Variants in MACROH2A2 observed in about 807,000 individuals in gnomAD.
The protein encoded by MACROH2A2 is macroH2A.2 histone.
Under a neutral mutation model 37.6 loss-of-function variants are expected in MACROH2A2, and 6 were observed. The observed-to-expected ratio is 0.16, with a 90% confidence interval of 0.09 to 0.32. MACROH2A2 has a LOEUF of 0.32. Among genes scored for constraint, MACROH2A2 ranks in the 10% least tolerant of loss-of-function variants. The pLI is 1.00. For missense variants in MACROH2A2, 290 were observed against 485.9 expected (o/e 0.60, Z 3.79); for synonymous variants, 192 against 202.7 (o/e 0.95, Z 0.45).
chr10:70,061,039 T>TAAAA (rs1564539901), intron 1 of MACROH2A2, among the ~76,000 whole-genome samples: 1 of 152,172 alleles, frequency 6.6e-6, no homozygotes, highest in Non-Finnish European at 1.5e-5. Flanking sequence ...TGTCTTTTTA[T>TAAAA]GAAGGCCATC....
chr10:70,104,140 T>C (rs777579216), intron 7 of MACROH2A2, among the ~76,000 whole-genome samples: 81 of 152,346 alleles, frequency 5.3e-4, no homozygotes, highest in Middle Eastern at 3.4e-3. Flanking sequence ...GGTTCGCCAC[T>C]GTCTAACACC....
At chr10:70,103,154 C>T (rs2072316573) in intron 7 of MACROH2A2, among the ~76,000 whole-genome samples, 1 of 152,136 alleles carries the variant, frequency 6.6e-6, no homozygotes, top group South Asian at 2.1e-4. Context: ...GAGAGCCCCT[C>T]ACCCAAGCCC....
intron 5 of MACROH2A2, among the ~76,000 whole-genome samples, chr10:70,094,203 A>G (rs2072262092): frequency 6.6e-6 from 1 of 152,236 alleles, no homozygotes; most frequent in Admixed American, 6.5e-5. Flanking sequence ...AGCTTCTGAG[A>G]GGCCCATCTT....
At chr10:70,058,992 A>C (rs1187355510) in intron 1 of MACROH2A2, among the ~76,000 whole-genome samples, 1 of 150,070 alleles carries the variant, frequency 6.7e-6, no homozygotes, top group Non-Finnish European at 1.5e-5. Flanking sequence ...TTTTGGGGTG[A>C]AGAAAAGGCA....
intron 1 of MACROH2A2, among the ~76,000 whole-genome samples, chr10:70,063,042 G>A (rs1341187685): frequency 1.3e-5 from 2 of 152,080 alleles, no homozygotes; most frequent in Admixed American, 6.6e-5. Context: ...TGCTGGAGCT[G>A]TCTAATGGCC....
intron 7 of MACROH2A2, among the ~76,000 whole-genome samples, chr10:70,104,701 C>T (rs902654819): frequency 6.6e-6 from 1 of 152,034 alleles, no homozygotes; most frequent in Non-Finnish European, 1.5e-5. Flanking sequence ...GAATTTGAAC[C>T]GCAAGCCAGT....
At chr10:70,099,233 G>A (rs191949014) in intron 6 of MACROH2A2, 1 of 152,322 alleles carries the variant, frequency 6.6e-6, no homozygotes, top group East Asian at 1.9e-4. Flanking sequence ...TCCCCCAGTG[G>A]ACAGTGACCA....
At chr10:70,062,763 GA>G (rs1274604995) in intron 1 of MACROH2A2, among the ~76,000 whole-genome samples, 3 of 151,980 alleles carry the variant, frequency 2.0e-5, no homozygotes, top group African/African-American at 7.3e-5. Context: ...CTTGACTGTA[GA>G]AAAAAATGGT....
At chr10:70,060,243 G>A (rs771675444) in intron 1 of MACROH2A2, among the ~76,000 whole-genome samples, 3 of 151,986 alleles carry the variant, frequency 2.0e-5, no homozygotes, top group African/African-American at 7.3e-5. Context: ...AGTGGTGGGC[G>A]CCTATAATTC....
In MACROH2A2 at chr10:70,109,222, C is replaced by A. The variant is rs1206023898; in HGVS notation, c.953+15C>A. ...CCCAGCGGCAGGTAAGATGCAGTTC[C>A]CCTGAGTTGATTCCTCCGGCTTTTT... On this transcript the variant is annotated intron_variant, in intron 8 of 8. Coordinates refer to ENST00000373255, the MANE Select transcript of MACROH2A2 (RefSeq NM_018649.3). 3 of 1,608,174 alleles carry A rather than the reference C, an allele frequency of 1.9e-6. No homozygotes were observed. In the East Asian group the frequency reaches 6.7e-5, roughly 36 times the overall value.
chr10:70,060,529 C>T (rs2072044569), intron 1 of MACROH2A2, among the ~76,000 whole-genome samples: 3 of 152,122 alleles, frequency 2.0e-5, no homozygotes, highest in South Asian at 2.1e-4. Flanking sequence ...AGTTGCTCAG[C>T]AAACATGGAT....
Position 70,075,094 on chromosome 10 carries a change from A to G in MACROH2A2, c.-59-506A>G, listed in dbSNP as rs1282702106. ...AATTCCTTCTGATGGCTTTGAGGGG[A>G]AAATCCTTTTCCTTCTGTTCTCACA... On this transcript the variant is annotated intron_variant, in intron 1 of 8. Transcript: ENST00000373255. This position sits in a 1 kb window ranked among gnomAD's most constrained non-coding sequence, Gnocchi z 5.0. Among the ~76,000 whole-genome samples, 2 of 152,098 alleles carry G rather than the reference A, an allele frequency of 1.3e-5. No individual in the cohort carries two copies. The highest frequency in any genetic ancestry group is 2.4e-5 in the African/African-American group (1 of 41,410).
intron 7 of MACROH2A2, 67 bp from the exon 8 acceptor site, chr10:70,108,966 T>C: frequency 7.2e-7 from 1 of 1,386,236 alleles, no homozygotes; most frequent in Non-Finnish European, 1.0e-6. Flanking sequence ...AGGTACCTGA[T>C]GAGGTTAGGC....
rs1177600699 is a variant in MACROH2A2, at chr10:70,100,261, C to A, written c.742C>A (p.Leu248Ile). 6.2e-7 allele frequency: 1 copy of A among 1,611,110 alleles called. No individual in the cohort carries two copies. The highest frequency in any genetic ancestry group is 8.5e-7 in the Non-Finnish European group (1 of 1,177,596). ...AGAGTTCTTGGAAACGGTAAAGGAG[C>A]TTCGCAAATCCCAAGGCCCTTTGGA... ...GKEFLETVKE[L>I]RKSQGPLEVA... is the part of the protein sequence containing the mutation. Residue 248 changes from leucine to isoleucine, a missense_variant, in exon 7 of 9, where the codon CTT (leucine) becomes ATT (isoleucine). By Grantham distance (5) the Leu-to-Ile change is conservative. Transcript: ENST00000373255.
intron 1 of MACROH2A2, among the ~76,000 whole-genome samples, chr10:70,072,802 C>T (rs916972304): frequency 6.6e-6 from 1 of 152,020 alleles, no homozygotes; most frequent in African/African-American, 2.4e-5. Context: ...ACTAAAAATA[C>T]AAAAATTAGC....
In MACROH2A2 at chr10:70,052,914, G is replaced by C. The variant is rs1175677611; in HGVS notation, c.-146G>C. 3 of 152,646 alleles carry C rather than the reference G, an allele frequency of 2.0e-5. No homozygotes were observed. The East Asian group carries it at 5.8e-4, about 29-fold the overall frequency. The allele number at this position is 152,646 out of a possible 1,614,324, so 9.5% of individuals were successfully genotyped here. ...CAAAGAAAGGCAAAGAGTCCTGCCC[G>C]GCACCGGCGCCGCGTGGGCCAAACC... is the stretch of plus-strand genomic sequence containing the variant. On this transcript the variant is annotated 5_prime_UTR_variant, in exon 1 of 9. Coordinates refer to ENST00000373255, the MANE Select transcript of MACROH2A2 (RefSeq NM_018649.3).
chr10:70,059,708 C>T (rs993122960), intron 1 of MACROH2A2, among the ~76,000 whole-genome samples: 2 of 152,148 alleles, frequency 1.3e-5, no homozygotes, highest in African/African-American at 4.8e-5. Flanking sequence ...GGGAACCCTA[C>T]GAGGTCTACT....
intron 1 of MACROH2A2, among the ~76,000 whole-genome samples, chr10:70,070,962 AGTGTGT>A (rs9299504): frequency 2.3e-4 from 34 of 150,136 alleles, no homozygotes; most frequent in African/African-American, 6.4e-4. Flanking sequence ...TTTTGAGGAA[AGTGTGT>A]GTGTGTGTGT....
At chr10:70,083,287 A>G (rs930528814) in intron 2 of MACROH2A2, among the ~76,000 whole-genome samples, 1 of 152,158 alleles carries the variant, frequency 6.6e-6, no homozygotes, top group African/African-American at 2.4e-5. Flanking sequence ...TTCTTCCCAC[A>G]CACAGGCACA....
Sources: allele counts gnomAD v4.1 joint callset (sites outside exome capture counted in the v4.1 genomes callset), GRCh38; gene constraint gnomAD v4.1.1; non-coding constraint Gnocchi (gnomAD v3.1); transcripts MANE v1.5; gene names NCBI Gene and HGNC (gene_info 2026-07-23, HGNC 2026-07-21).